Variants in RPS6KC1 observed in about 807,000 individuals in gnomAD.
RPS6KC1 encodes inactive ribosomal protein S6 kinase delta-1.
Under a neutral mutation model 103.8 loss-of-function variants are expected in RPS6KC1, and 54 were observed. That is an observed-to-expected ratio of 0.52 (90% CI 0.42 to 0.65). The LOEUF (loss-of-function observed/expected upper bound fraction) is 0.65, where lower values mean the gene tolerates loss of function less well. RPS6KC1 is among the 30% of genes least tolerant of loss of function. RPS6KC1 has a pLI of 0.00. For synonymous variants in RPS6KC1, 439 were observed against 438.7 expected (o/e 1.00, Z -0.01); for missense variants, 1,151 against 1,253.8 (o/e 0.92, Z 1.24).
At chr1:213,084,601 C>T (rs2080212932) in intron 3 of RPS6KC1, among the ~76,000 whole-genome samples, 3 of 152,066 alleles carry the variant, frequency 2.0e-5, no homozygotes, top group Non-Finnish European at 4.4e-5. Context: ...TATAATCTAC[C>T]ATCTGTATTC....
At chr1:213,505,287 G>C in the RPS6KC1 span, among the ~76,000 whole-genome samples, 1 of 152,144 alleles carries the variant, frequency 6.6e-6, no homozygotes, top group African/African-American at 2.4e-5. Flanking sequence ...GGGTAGGTCT[G>C]AGGATTCTTG....
chr1:213,505,360 C>T, the RPS6KC1 span, among the ~76,000 whole-genome samples: 6 of 152,158 alleles, frequency 3.9e-5, no homozygotes, highest in East Asian at 1.2e-3. Flanking sequence ...TATCATAGGA[C>T]ACACAACCTC....
At chr1:213,209,819 G>T (rs1287020664) in intron 8 of RPS6KC1, among the ~76,000 whole-genome samples, 4 of 151,878 alleles carry the variant, frequency 2.6e-5, no homozygotes, top group African/African-American at 9.7e-5. Context: ...ACTGAACAAG[G>T]GGTAGGCTAT....
chr1:213,472,500 C>T, the RPS6KC1 span, among the ~76,000 whole-genome samples: 1,777 of 152,236 alleles, frequency 0.012, 19 homozygotes, highest in Middle Eastern at 0.02. Flanking sequence ...TGATAGAGCC[C>T]GTGAGGCTTT....
the RPS6KC1 span, among the ~76,000 whole-genome samples, chr1:213,744,697 A>C: frequency 1.3e-5 from 2 of 152,208 alleles, no homozygotes; most frequent in Non-Finnish European, 2.9e-5. Context: ...GTGAGACGTA[A>C]TGTCTTCTGA....
the RPS6KC1 span, among the ~76,000 whole-genome samples, chr1:213,585,798 C>T: frequency 2.6e-5 from 4 of 152,130 alleles, no homozygotes; most frequent in African/African-American, 7.2e-5. Context: ...AGACACATGG[C>T]ACGGCTTAAC....
the RPS6KC1 span, among the ~76,000 whole-genome samples, chr1:213,346,474 C>T: frequency 4.9e-4 from 75 of 151,856 alleles, no homozygotes; most frequent in African/African-American, 1.7e-3. Context: ...CTGTCAAGTT[C>T]ATAAATGAAG....
chr1:213,280,688 G>A, the RPS6KC1 span, among the ~76,000 whole-genome samples: 1 of 152,192 alleles, frequency 6.6e-6, no homozygotes, highest in Admixed American at 6.5e-5. Context: ...TGTGTGGGGT[G>A]AGGGGAATGT....
chr1:213,565,248 GC>G, the RPS6KC1 span, among the ~76,000 whole-genome samples: 1,144 of 152,248 alleles, frequency 7.5e-3, 10 homozygotes, highest in Non-Finnish European at 9.9e-3. Flanking sequence ...CCATGACTTA[GC>G]AATTCTACTC....
chr1:213,635,930 C>G, the RPS6KC1 span, among the ~76,000 whole-genome samples: 1 of 152,166 alleles, frequency 6.6e-6, no homozygotes, highest in Non-Finnish European at 1.5e-5. Context: ...TCTCAGGATA[C>G]AAAATCAATG....
rs190385076 is a variant in RPS6KC1, at chr1:213,182,354, G to T, written c.1044+5862G>T. On this transcript the variant is annotated intron_variant, in intron 8 of 14. Transcript: ENST00000366960. ...TAAAAATACAAAAATTAACCAGCATGGTGGTGCACGACTGTAGTCCCAGCT... is the reference window on the plus strand; with the variant it reads ...TAAAAATACAAAAATTAACCAGCATTGTGGTGCACGACTGTAGTCCCAGCT... Among the ~76,000 whole-genome samples, 28 of 152,148 alleles carry T rather than the reference G, an allele frequency of 1.8e-4. No individual in the cohort carries two copies. The East Asian group carries it at 5.0e-3, about 27-fold the overall frequency.
At chr1:213,210,110 A>G (rs2148662300) in intron 8 of RPS6KC1, among the ~76,000 whole-genome samples, 1 of 152,094 alleles carries the variant, frequency 6.6e-6, no homozygotes, top group East Asian at 1.9e-4. Flanking sequence ...TGTTGTACCA[A>G]CCTCCTATCT....
chr1:213,640,280 T>TTC, the RPS6KC1 span, among the ~76,000 whole-genome samples: 2 of 151,380 alleles, frequency 1.3e-5, no homozygotes, highest in African/African-American at 4.8e-5. Context: ...AATTTGTGTC[T>TTC]TCTCTCTCTC....
At chr1:213,422,156 G>C in the RPS6KC1 span, among the ~76,000 whole-genome samples, 1 of 152,142 alleles carries the variant, frequency 6.6e-6, no homozygotes, top group African/African-American at 2.4e-5. Flanking sequence ...CTCTGTACCC[G>C]TTAAACACCA....
At chr1:213,408,564 G>T in the RPS6KC1 span, among the ~76,000 whole-genome samples, 1 of 152,168 alleles carries the variant, frequency 6.6e-6, no homozygotes, top group African/African-American at 2.4e-5. Context: ...GTATCCTGGA[G>T]GAGGAATTCT....
intron 8 of RPS6KC1, among the ~76,000 whole-genome samples, chr1:213,191,894 C>T (rs369808837): frequency 6.0e-4 from 91 of 152,002 alleles, no homozygotes; most frequent in African/African-American, 2.0e-3. Context: ...CTGCAACCTC[C>T]GCCTCCCATG....
chr1:213,436,556 G>C, the RPS6KC1 span, among the ~76,000 whole-genome samples: 1 of 152,132 alleles, frequency 6.6e-6, no homozygotes, highest in Non-Finnish European at 1.5e-5. Context: ...AACATTCTGG[G>C]ATATTGATTG....
chr1:213,355,340 A>AG, the RPS6KC1 span, among the ~76,000 whole-genome samples: 1 of 152,276 alleles, frequency 6.6e-6, no homozygotes, highest in East Asian at 1.9e-4. Context: ...TTTTCAGACC[A>AG]GCTGGAAGGG....
the RPS6KC1 span, among the ~76,000 whole-genome samples, chr1:213,665,377 T>TAC: frequency 1.3e-5 from 2 of 151,796 alleles, no homozygotes; most frequent in African/African-American, 4.8e-5. Flanking sequence ...ATAGAGAATT[T>TAC]ACACACACAC....
Sources: gnomAD v4.1 joint callset for allele counts (sites outside exome capture counted in the v4.1 genomes callset) on GRCh38, gnomAD v4.1.1 for gene constraint, MANE v1.5 for transcripts, NCBI Gene and HGNC (gene_info 2026-07-23, HGNC 2026-07-21) for gene names.